PCDH11Y: variants seen among roughly 807,000 people sequenced by gnomAD.
PCDH11Y encodes the protein protocadherin 11 Y-linked, also known as protocadherin-11 Y-linked.
For synonymous variants in PCDH11Y, 9 were observed against 83.6 expected (o/e 0.11, Z 4.87); for missense variants, 12 against 224.8 (o/e 0.05, Z 6.05).
intron 4 of PCDH11Y, among the ~76,000 whole-genome samples, chrY:5,627,945 C>G: frequency 3.1e-5 from 1 of 32,554 alleles, no homozygotes; most frequent in Admixed American, 2.8e-4. Flanking sequence ...GCCTGAAGCA[C>G]ATGCAATTTT....
intron 4 of PCDH11Y, among the ~76,000 whole-genome samples, chrY:5,713,303 A>G: frequency 3.2e-5 from 1 of 31,454 alleles, no homozygotes. Flanking sequence ...AACATTTGAT[A>G]TTTGACAAAC....
At chrY:5,401,690 C>T in intron 2 of PCDH11Y, among the ~76,000 whole-genome samples, 6 of 32,697 alleles carry the variant, frequency 1.8e-4, no homozygotes. Flanking sequence ...TGAGTGAGAA[C>T]ATGCGGTGTT....
chrY:5,721,567 T>C (rs2053594790), intron 4 of PCDH11Y, among the ~76,000 whole-genome samples: 1 of 32,441 alleles, frequency 3.1e-5, no homozygotes, highest in East Asian at 8.3e-4. Context: ...AATCAGCCAG[T>C]AATGAGTGGA....
chrY:5,524,467 G>C, intron 3 of PCDH11Y, among the ~76,000 whole-genome samples: 1 of 32,860 alleles, frequency 3.0e-5, no homozygotes, highest in Non-Finnish European at 7.5e-5. Flanking sequence ...ATTACTATCA[G>C]AGAAAGTTTG....
intron 4 of PCDH11Y, among the ~76,000 whole-genome samples, chrY:5,721,518 G>A: frequency 2.4e-4 from 8 of 33,728 alleles, no homozygotes. Context: ...AGACTGCTGA[G>A]CAATTTATGC....
intron 2 of PCDH11Y, among the ~76,000 whole-genome samples, chrY:5,249,634 C>G: frequency 3.0e-5 from 1 of 33,042 alleles, no homozygotes; most frequent in Non-Finnish European, 7.4e-5. Context: ...TAGGCATGGG[C>G]AAGGACTTCA....
intron 2 of PCDH11Y, among the ~76,000 whole-genome samples, chrY:5,284,778 T>C (rs2053058198): frequency 3.7e-5 from 1 of 27,239 alleles, no homozygotes; most frequent in African/African-American, 1.4e-4. Context: ...TATTCTGTTC[T>C]GTGTGTCATA....
chrY:5,460,687 A>G, intron 2 of PCDH11Y, among the ~76,000 whole-genome samples: 1 of 33,441 alleles, frequency 3.0e-5, no homozygotes, highest in African/African-American at 1.2e-4. Context: ...TTTACAAGTG[A>G]CACGTGGAAT....
chrY:5,695,955 T>C, intron 4 of PCDH11Y, among the ~76,000 whole-genome samples: 1 of 33,537 alleles, frequency 3.0e-5, no homozygotes, highest in South Asian at 6.5e-4. Context: ...GTTTTAGCTG[T>C]GTAATTACTA....
intron 4 of PCDH11Y, among the ~76,000 whole-genome samples, chrY:5,647,537 G>A (rs370369573): frequency 8.7e-4 from 29 of 33,312 alleles, no homozygotes; most frequent in African/African-American, 3.3e-3. Flanking sequence ...ACGGAGTTTC[G>A]TTCTTGTTGC....
intron 1 of PCDH11Y, among the ~76,000 whole-genome samples, chrY:5,008,754 A>G (rs2124617730): frequency 3.2e-5 from 1 of 31,491 alleles, no homozygotes; most frequent in South Asian, 7.3e-4. Context: ...CTTGTCCAGC[A>G]TTGCAATACT....
At chrY:5,371,626 A>G (rs879029771) in intron 2 of PCDH11Y, among the ~76,000 whole-genome samples, 1 of 33,808 alleles carries the variant, frequency 3.0e-5, no homozygotes, top group South Asian at 6.6e-4. Context: ...GGCCTAGTGC[A>G]GTGGCTTACA....
intron 2 of PCDH11Y, among the ~76,000 whole-genome samples, chrY:5,289,529 C>T: frequency 3.0e-5 from 1 of 33,617 alleles, no homozygotes; most frequent in East Asian, 8.0e-4. Context: ...CCTTCAGCAT[C>T]AGGGACATTG....
intron 2 of PCDH11Y, among the ~76,000 whole-genome samples, chrY:5,242,308 A>G (rs1602892300): frequency 6.3e-4 from 13 of 20,481 alleles, no homozygotes; most frequent in East Asian, 5.3e-3. Flanking sequence ...AGTTTTGAAC[A>G]TTGCAAGAAT....
chrY:5,289,911 G>A, intron 2 of PCDH11Y, among the ~76,000 whole-genome samples: 1 of 32,654 alleles, frequency 3.1e-5, no homozygotes, highest in South Asian at 7.0e-4. Context: ...ATGGGAGTGC[G>A]GATATCACTT....
intron 2 of PCDH11Y, among the ~76,000 whole-genome samples, chrY:5,325,310 G>T: frequency 3.1e-5 from 1 of 31,950 alleles, no homozygotes. Context: ...TTTGGGGGGT[G>T]GTATGGAGAG....
chrY:5,500,491 A>T (rs2124687933), intron 2 of PCDH11Y, among the ~76,000 whole-genome samples: 1 of 33,590 alleles, frequency 3.0e-5, no homozygotes, highest in Non-Finnish European at 7.4e-5. Context: ...ATATTATGTA[A>T]TTACTTTTTT....
intron 2 of PCDH11Y, among the ~76,000 whole-genome samples, chrY:5,300,772 C>T (rs2053081029): frequency 3.0e-5 from 1 of 32,938 alleles, no homozygotes; most frequent in South Asian, 6.9e-4. Flanking sequence ...ATATGTTAGC[C>T]GCTAGCCCAA....
intron 2 of PCDH11Y, among the ~76,000 whole-genome samples, chrY:5,249,123 T>C (rs1602893472): frequency 3.1e-5 from 1 of 31,891 alleles, no homozygotes; most frequent in East Asian, 8.3e-4. Flanking sequence ...ATAGGAAGAA[T>C]CAATATCGTG....
Sources: allele counts gnomAD v4.1 joint callset (sites outside exome capture counted in the v4.1 genomes callset), GRCh38; gene constraint gnomAD v4.1.1; transcripts MANE v1.5; gene names NCBI Gene and HGNC (gene_info 2026-07-23, HGNC 2026-07-21).